SMC5: variants seen among roughly 807,000 people sequenced by gnomAD.
SMC5 encodes structural maintenance of chromosomes 5.
Under a neutral mutation model 148.3 loss-of-function variants are expected in SMC5, and 88 were observed. The ratio of observed to expected loss-of-function variants is 0.59; its 90% CI spans 0.50 to 0.71. SMC5 has a LOEUF of 0.71. Among genes scored for constraint, SMC5 ranks in the 30% least tolerant of loss-of-function variants. The pLI is 0.00. For synonymous variants in SMC5, 421 were observed against 432.8 expected, an observed-to-expected ratio of 0.97 and a Z score of 0.34; for missense variants, 1,142 against 1,298.9, an observed-to-expected ratio of 0.88 and a Z score of 1.86.
intron 11 of SMC5, among the ~76,000 whole-genome samples, chr9:70,313,101 T>G (rs888038064): frequency 5.3e-5 from 8 of 152,332 alleles, no homozygotes; most frequent in African/African-American, 1.9e-4. Flanking sequence ...CTTTTTCATC[T>G]TGTTTTAAAT....
chr9:70,314,261 G>T (rs2035736977), intron 11 of SMC5, among the ~76,000 whole-genome samples: 1 of 151,996 alleles, frequency 6.6e-6, no homozygotes. Flanking sequence ...CCAGATTGGG[G>T]AATGCCCCCA....
chr9:70,258,993 G>GGGGCGCCTGGGTGGATGGGCGCTA lies in SMC5; in HGVS notation c.-63_-62insAGGGCGCCTGGGTGGATGGGCGCT. 2 of 1,434,464 alleles carry GGGGCGCCTGGGTGGATGGGCGCTA rather than the reference G, an allele frequency of 1.4e-6. No homozygotes were observed. The highest frequency in any genetic ancestry group is 5.1e-5 in the East Asian group (2 of 39,124). 88.9% of individuals were successfully genotyped at this position (1,434,464 alleles called of 1,614,324 possible). On this transcript the variant is annotated 5_prime_UTR_variant, in exon 1 of 25. It adds an upstream start codon to the 5' untranslated region. Transcript: ENST00000361138. ...AGTTCGCGGCAGTTCGCGCGGGAGC[G>GGGGCGCCTGGGTGGATGGGCGCTA]GGGCGCCTGGGTGGATGGGCGCTTG...
chr9:70,282,605 G>T, intron 7 of SMC5, 22 bp downstream of exon 7: 3 of 1,538,364 alleles, frequency 2.0e-6, no homozygotes, highest in South Asian at 1.3e-5. Context: ...TTTCAATTTT[G>T]GATTATCTGA....
rs1011572270 is a variant in SMC5 at position 70,353,333 on chromosome 9, C to G, written c.*1002C>G. 7 of 152,070 alleles carry G rather than the reference C, an allele frequency of 4.6e-5. No individual in the cohort carries two copies. Among genetic ancestry groups the G allele is most frequent in the African/African-American group, 1.7e-4 (7 of 41,422 alleles). 9.4% of individuals were successfully genotyped at this position (152,070 alleles called of 1,614,324 possible). ...CTTACAATGTTGATGTACCCATTAT[C>G]TTAGAAAATCTAGTTTAAACTGTTT... is the stretch of plus-strand genomic sequence containing the variant. On this transcript the variant is annotated 3_prime_UTR_variant, in exon 25 of 25. Transcript: ENST00000361138.
intron 17 of SMC5, among the ~76,000 whole-genome samples, chr9:70,336,149 G>A (rs1380145967): frequency 6.6e-6 from 1 of 152,158 alleles, no homozygotes; most frequent in East Asian, 1.9e-4. Flanking sequence ...ACATAAATGT[G>A]AGCTATATAG....
intron 17 of SMC5, among the ~76,000 whole-genome samples, chr9:70,328,425 G>A (rs746499944): frequency 1.3e-5 from 2 of 152,162 alleles, no homozygotes; most frequent in East Asian, 1.9e-4. Flanking sequence ...CAGCCAAAAC[G>A]AAGGAACTAC....
intron 3 of SMC5, among the ~76,000 whole-genome samples, chr9:70,274,598 A>G (rs2034538761): frequency 6.6e-6 from 1 of 151,958 alleles, no homozygotes; most frequent in Non-Finnish European, 1.5e-5. Flanking sequence ...AGTAAAGCAT[A>G]TAATCAATTT....
intron 10 of SMC5, among the ~76,000 whole-genome samples, chr9:70,301,810 A>G (rs12555048): frequency 0.14 from 21,771 of 152,216 alleles, 2,142 homozygotes; most frequent in African/African-American, 0.28. Flanking sequence ...AATTTATGAC[A>G]TGTTAGTAAA....
At chr9:70,323,689 G>T in intron 16 of SMC5, 83 bp downstream of exon 16, 13 of 1,049,856 alleles carry the variant, frequency 1.2e-5, no homozygotes, top group South Asian at 6.7e-5. Context: ...GGGAGGGAAG[G>T]TTTTGATTAA....
chr9:70,304,024 C>T (rs990983329), intron 10 of SMC5, among the ~76,000 whole-genome samples: 1 of 152,048 alleles, frequency 6.6e-6, no homozygotes, highest in African/African-American at 2.4e-5. Flanking sequence ...TAGCTTTTTC[C>T]CTAGCTTGTC....
In SMC5 at chr9:70,344,194, C is replaced by T; in HGVS notation, c.2448C>T (p.Cys816=). ...ATAGACAGAGATTATTGCAGAAATG[C>T]AAGGAACTTATGAAAAGAGCTAGGC... ...DENRQRLLQK[C]KELMKRARQV... Residue 816 remains cysteine (C), a synonymous_variant, in exon 18 of 25, where the codon TGC becomes TGT. Coordinates refer to ENST00000361138, the MANE Select transcript of SMC5 (RefSeq NM_015110.4). 6.4e-7 allele frequency: 1 copy of T among 1,559,554 alleles called. No individual in the cohort carries two copies. Among genetic ancestry groups the T allele is most frequent in the Non-Finnish European group, 8.7e-7 (1 of 1,151,086 alleles).
intron 8 of SMC5, among the ~76,000 whole-genome samples, chr9:70,287,138 A>G (rs1228976906): frequency 6.6e-6 from 1 of 152,222 alleles, no homozygotes; most frequent in East Asian, 1.9e-4. Context: ...ACTGCAGGTA[A>G]TTTATTGCTA....
At chr9:70,309,357 G>A (rs1265680328) in intron 11 of SMC5, among the ~76,000 whole-genome samples, 1 of 98,422 alleles carries the variant, frequency 1.0e-5, no homozygotes, top group Admixed American at 1.4e-4. Context: ...TTTGGGGACA[G>A]GGTCTTCCTC....
chr9:70,280,689 C>T, intron 5 of SMC5, 70 bp from the exon 6 acceptor site: 1 of 1,434,014 alleles, frequency 7.0e-7, no homozygotes, highest in Non-Finnish European at 9.5e-7. Context: ...GTTTATTTTT[C>T]ATTGTTAAAA....
intron 3 of SMC5, among the ~76,000 whole-genome samples, chr9:70,268,462 C>CCA (rs1554688831): frequency 1.4e-5 from 2 of 142,414 alleles, no homozygotes; most frequent in East Asian, 2.0e-4. Context: ...CTGCCCCCCC[C>CCA]AAAAAAAAAA....
rs760928431 is a variant in SMC5 at position 70,350,485 on chromosome 9, A to C, written c.3165+14A>C. 2.6e-6 allele frequency: 4 copies of C among 1,549,774 alleles called. No homozygotes were observed. In the South Asian group the frequency reaches 4.8e-5, roughly 19 times the overall value. On this transcript the variant is annotated intron_variant, in intron 24 of 24. Transcript: ENST00000361138. ...ATAACACCAAAGGTAGGTAAAAAGT[A>C]ACCTAAAAGTGGTCATATACTCAGA...
At chr9:70,308,641 A>G (rs910323905) in intron 11 of SMC5, among the ~76,000 whole-genome samples, 3 of 149,376 alleles carry the variant, frequency 2.0e-5, no homozygotes, top group Admixed American at 1.3e-4. Flanking sequence ...CTGTCCTACC[A>G]TGAAATTCCT....
intron 17 of SMC5, among the ~76,000 whole-genome samples, chr9:70,332,580 G>A (rs529538910): frequency 1.3e-5 from 2 of 150,344 alleles, no homozygotes; most frequent in African/African-American, 4.9e-5. Context: ...TTTTCCAGAA[G>A]GTGAAGAGGA....
At chr9:70,344,296 C>T in intron 18 of SMC5, 27 bp downstream of exon 18, 1 of 1,382,440 alleles carries the variant, frequency 7.2e-7, no homozygotes, top group East Asian at 2.7e-5. Flanking sequence ...TATAATGCTA[C>T]AATTGCCATA....
Sources: allele counts gnomAD v4.1 joint callset (sites outside exome capture counted in the v4.1 genomes callset), GRCh38; gene constraint gnomAD v4.1.1; transcripts MANE v1.5; gene names NCBI Gene and HGNC (gene_info 2026-07-23, HGNC 2026-07-21).